CCDC102B: variants seen among roughly 807,000 people sequenced by gnomAD.
CCDC102B encodes the protein coiled-coil domain containing 102B.
A neutral mutation model predicts 57.4 loss-of-function variants in CCDC102B; 75 were observed. The observed-to-expected ratio is 1.31, with a 90% CI of 1.08 to 1.58. The LOEUF is 1.58. Ranked by LOEUF, CCDC102B falls within the 40% of genes most tolerant of loss-of-function variation. CCDC102B has a pLI of 0.00. For synonymous variants in CCDC102B, 206 were observed against 201.9 expected, an observed-to-expected ratio of 1.02 and a Z score of -0.17; for missense variants, 636 against 582.6, an observed-to-expected ratio of 1.09 and a Z score of -0.94.
At chr18:68,911,047 A>G (rs2040825512) in intron 6 of CCDC102B, among the ~76,000 whole-genome samples, 1 of 152,154 alleles carries the variant, frequency 6.6e-6, no homozygotes, top group Admixed American at 6.5e-5. Flanking sequence ...AAGGCTGAAA[A>G]ACAGAACCGC....
Position 68,852,518 on chromosome 18 carries a change from T to A in CCDC102B, c.936+6097T>A, listed in dbSNP as rs5022262. 5.9e-5 allele frequency among the ~76,000 whole-genome samples: 9 copies of A among 151,886 alleles called. No homozygotes were observed. The East Asian group carries it at 1.7e-3, about 29-fold the overall frequency. ...TCCTAATACACCATTTCTAGATTACTTATAATTCCTACACACCATTTCATT... is the reference window on the plus strand; with the variant it reads ...TCCTAATACACCATTTCTAGATTACATATAATTCCTACACACCATTTCATT... On this transcript the variant is annotated intron_variant, in intron 4 of 7. Coordinates refer to ENST00000360242, the MANE Select transcript of CCDC102B (RefSeq NM_024781.3).
rs925101421 is a variant in CCDC102B at position 68,811,501 on chromosome 18, G to C, written c.-16+13320G>C. The stretch of plus-strand genomic sequence containing the variant: ...GTGGTGGCGTGCACCTGTAATTCCA[G>C]CTATTCAGAAGGCTGAGGCAGGAGA... On this transcript the variant is annotated intron_variant, in intron 1 of 7. Transcript: ENST00000360242. Among the ~76,000 whole-genome samples the C allele has an allele frequency of 2.0e-5, 3 of 152,096 alleles. No individual in the cohort carries two copies. The South Asian group carries it at 6.2e-4, about 32-fold the overall frequency.
intron 2 of CCDC102B, among the ~76,000 whole-genome samples, chr18:68,765,074 T>TAAATAAAG (rs1053677471): frequency 6.8e-6 from 1 of 148,022 alleles, no homozygotes; most frequent in African/African-American, 2.5e-5. Flanking sequence ...AATAAATAAA[T>TAAATAAAG]AAGCTGGGGA....
chr18:68,870,063 G>T (rs1439971008), intron 4 of CCDC102B, among the ~76,000 whole-genome samples: 2 of 151,944 alleles, frequency 1.3e-5, no homozygotes, highest in Non-Finnish European at 2.9e-5. Context: ...GAGGCCTCTG[G>T]AAACCATAAT....
rs116540695 is a variant in CCDC102B at position 68,983,848 on chromosome 18, A to C, written c.1264-27086A>C. On this transcript the variant is annotated intron_variant, in intron 6 of 7. Coordinates refer to ENST00000360242, the MANE Select transcript of CCDC102B (RefSeq NM_024781.3). ...AATTGAATGAAGCTGGTCTCATGCA[A>C]TTGACTAGGGAATGATCAGAGCTGC... Among the ~76,000 whole-genome samples the C allele has an allele frequency of 7.3e-3, 1,103 of 152,104 alleles. 8 individuals carry two copies. The highest frequency in any genetic ancestry group is 0.025 in the African/African-American group (1,055 of 41,538).
chr18:68,777,450 A>G (rs1408063313), intron 2 of CCDC102B, among the ~76,000 whole-genome samples: 1 of 152,154 alleles, frequency 6.6e-6, no homozygotes, highest in East Asian at 1.9e-4. Context: ...CTTCACAATG[A>G]AAGTTGACTT....
intron 7 of CCDC102B, among the ~76,000 whole-genome samples, chr18:69,016,084 C>T (rs1599852076): frequency 6.7e-6 from 1 of 149,592 alleles, no homozygotes; most frequent in South Asian, 2.1e-4. Context: ...AGGATGGTCT[C>T]GATCTCCTGA....
chr18:68,780,045 A>G (rs1246027281), intron 2 of CCDC102B, among the ~76,000 whole-genome samples: 1 of 152,126 alleles, frequency 6.6e-6, no homozygotes, highest in Non-Finnish European at 1.5e-5. Flanking sequence ...AACTGTAGGC[A>G]AACAATTATC....
At chr18:68,984,201 C>T (rs971474030) in intron 6 of CCDC102B, among the ~76,000 whole-genome samples, 2 of 151,796 alleles carry the variant, frequency 1.3e-5, no homozygotes, top group African/African-American at 4.8e-5. Flanking sequence ...TTAAAATATC[C>T]TCTCTATGAG....
chr18:68,779,583 CATTT>C (rs1336316687), intron 2 of CCDC102B, among the ~76,000 whole-genome samples: 8 of 151,914 alleles, frequency 5.3e-5, no homozygotes, highest in Admixed American at 6.6e-5. Context: ...AAATTCAGTA[CATTT>C]ATTTATGTCA....
At chr18:68,871,547 AGTT>A (rs2039239331) in intron 4 of CCDC102B, among the ~76,000 whole-genome samples, 1 of 152,150 alleles carries the variant, frequency 6.6e-6, no homozygotes, top group African/African-American at 2.4e-5. Flanking sequence ...GAGAAAGTAT[AGTT>A]GTTTAATTAA....
At chr18:68,933,475 T>C (rs946669184) in intron 6 of CCDC102B, among the ~76,000 whole-genome samples, 4 of 151,920 alleles carry the variant, frequency 2.6e-5, no homozygotes, top group African/African-American at 9.7e-5. Context: ...GCCCTCCACA[T>C]CACTTAATCT....
chr18:68,825,724 A>G (rs2144751585), intron 1 of CCDC102B, among the ~76,000 whole-genome samples: 1 of 152,270 alleles, frequency 6.6e-6, no homozygotes, highest in Middle Eastern at 3.4e-3. Flanking sequence ...TAAACATTCA[A>G]TAAGTTATTA....
At chr18:68,797,300 T>G (rs1472310331), upstream of CCDC102B, among the ~76,000 whole-genome samples, 1 of 152,104 alleles carries the variant, frequency 6.6e-6, no homozygotes, top group Non-Finnish European at 1.5e-5. Context: ...TCAAATGTTG[T>G]TTTTTTGCTA....
intron 2 of CCDC102B, among the ~76,000 whole-genome samples, chr18:68,739,210 G>T (rs1026007660): frequency 3.3e-5 from 5 of 152,106 alleles, no homozygotes; most frequent in Admixed American, 6.5e-5. Flanking sequence ...TGGCCAGGCT[G>T]GTCTCAAACT....
chr18:68,889,883 C>T (rs1240888338), intron 5 of CCDC102B, among the ~76,000 whole-genome samples: 1 of 152,156 alleles, frequency 6.6e-6, no homozygotes, highest in Non-Finnish European at 1.5e-5. Context: ...ACTACTGTTC[C>T]TATAGTATTT....
At chr18:68,941,129 G>C (rs1403133683) in intron 6 of CCDC102B, among the ~76,000 whole-genome samples, 1 of 148,472 alleles carries the variant, frequency 6.7e-6, no homozygotes, top group Non-Finnish European at 1.5e-5. Context: ...CTTATATTTA[G>C]CATATGTTGT....
rs935583099 is a variant in CCDC102B at position 68,890,223 on chromosome 18, A to AT, written c.1054-6985dup. 1.2e-3 allele frequency among the ~76,000 whole-genome samples: 182 copies of AT among 148,238 alleles called. 1 individual carries two copies. Among genetic ancestry groups the AT allele is most frequent in the African/African-American group, 1.5e-3 (62 of 40,474 alleles). On this transcript the variant is annotated intron_variant, in intron 5 of 7. Transcript: ENST00000360242. ...ATGCACGGATATTGAATGATAATGAATTTTTTTTTTTCTGTTTCTGTTTTG... is the reference window on the plus strand; with the variant it reads ...ATGCACGGATATTGAATGATAATGAATTTTTTTTTTTTCTGTTTCTGTTTTG...
At chr18:69,016,057 G>A (rs1334731511) in intron 7 of CCDC102B, among the ~76,000 whole-genome samples, 1 of 146,540 alleles carries the variant, frequency 6.8e-6, no homozygotes, top group African/African-American at 2.5e-5. Flanking sequence ...TAGAGACGGG[G>A]TTTCAACATG....
Sources: gnomAD v4.1 joint callset for allele counts (sites outside exome capture counted in the v4.1 genomes callset) on GRCh38, gnomAD v4.1.1 for gene constraint, MANE v1.5 for transcripts, NCBI Gene and HGNC (gene_info 2026-07-23, HGNC 2026-07-21) for gene names.